Variants in GPR78 observed in about 807,000 individuals in gnomAD.
GPR78 encodes G protein-coupled receptor 78.
A neutral mutation model predicts 17.9 loss-of-function variants in GPR78; 29 were observed. The ratio of observed to expected loss-of-function variants is 1.62; its 90% CI spans 1.20 to 2.21. The LOEUF (loss-of-function observed/expected upper bound fraction) is 2.21, where lower values mean the gene tolerates loss of function less well. Ranked by LOEUF, GPR78 falls within the 30% of genes most tolerant of loss-of-function variation. The pLI is 0.00. For synonymous variants in GPR78, 349 were observed against 256.9 expected (o/e 1.36, Z -3.43); for missense variants, 649 against 530.5 (o/e 1.22, Z -2.19).
intron 2 of GPR78, among the ~76,000 whole-genome samples, chr4:8,586,720 G>A (rs747097061): frequency 2.0e-5 from 3 of 152,192 alleles, no homozygotes; most frequent in Admixed American, 6.5e-5. Flanking sequence ...GCAGGTGTCC[G>A]CGGCAGGTGT....
At chr4:8,586,497 C>T (rs1713512048) in intron 2 of GPR78, among the ~76,000 whole-genome samples, 1 of 152,186 alleles carries the variant, frequency 6.6e-6, no homozygotes. Flanking sequence ...GTGAGGTGGT[C>T]ACACTTGCTC....
In GPR78 at chr4:8,588,595, G is replaced by GT. The variant is rs201062308; in HGVS notation, c.*1233dup. On this transcript the variant is annotated 3_prime_UTR_variant, in exon 3 of 3. Coordinates refer to ENST00000382487, the MANE Select transcript of GPR78 (RefSeq NM_080819.5). ...AGGCCCAGGGCCATCCCCTGCAGAG[G>GT]TAGGGTGGGCTGCAAGACCTCAGGC... Among the ~76,000 whole-genome samples the GT allele has an allele frequency of 3.3e-5, 5 of 152,210 alleles. No homozygotes were observed. In the East Asian group the frequency reaches 9.6e-4, roughly 29 times the overall value.
intron 2 of GPR78, among the ~76,000 whole-genome samples, chr4:8,584,491 G>A (rs1396608801): frequency 7.3e-6 from 1 of 137,902 alleles, no homozygotes; most frequent in Non-Finnish European, 1.5e-5. Flanking sequence ...CACTCACTAA[G>A]CATTTAATGA....
intron 2 of GPR78, among the ~76,000 whole-genome samples, chr4:8,585,566 T>C (rs922214942): frequency 1.3e-5 from 2 of 152,192 alleles, no homozygotes; most frequent in African/African-American, 4.8e-5. Flanking sequence ...CTGATGTGCA[T>C]GTGCTGGCCG....
rs756043125 is a variant in GPR78, at chr4:8,581,261, G to A, written c.279G>A (p.Ala93=). Residue 93 remains alanine (A), a synonymous_variant, in exon 1 of 3, where the codon GCG becomes GCA. Coordinates refer to ENST00000382487, the MANE Select transcript of GPR78 (RefSeq NM_080819.5). Reference sequence around the variant, plus strand: ...TGGACACCTTCCTGGCGTCCAACGCGGCGCTGAGCGTGGCGGCGCTGAGCG... The same window carrying A: ...TGGACACCTTCCTGGCGTCCAACGCAGCGCTGAGCGTGGCGGCGCTGAGCG... The part of the protein sequence containing the change: ...GFLDTFLASN[A]ALSVAALSAD... The A allele has an allele frequency of 4.1e-5, 66 of 1,591,262 alleles. No individual in the cohort carries two copies. The highest frequency in any genetic ancestry group is 5.4e-5 in the Non-Finnish European group (63 of 1,174,150).
chr4:8,582,917 C>A (rs1385308029), intron 2 of GPR78: 1 of 338,640 alleles, frequency 3.0e-6, no homozygotes, highest in Admixed American at 4.7e-5. Flanking sequence ...GCACCTGGCT[C>A]TTTAAACCTA....
At position 8,581,272 on chromosome 4, in the gene GPR78, T is replaced by C. The variant is rs1193203038; in HGVS notation, c.290T>C (p.Val97Ala). The C allele has an allele frequency of 6.3e-7, 1 of 1,589,842 alleles. No individual in the cohort carries two copies. The highest frequency in any genetic ancestry group is 8.5e-7 in the Non-Finnish European group (1 of 1,173,666). ...CTGGCGTCCAACGCGGCGCTGAGCG[T>C]GGCGGCGCTGAGCGCAGACCAGTGG... ...TFLASNAALS[V>A]AALSADQWLA... Residue 97 changes from valine to alanine, a missense_variant, in exon 1 of 3, where the codon GTG (valine) becomes GCG (alanine). Coordinates refer to ENST00000382487, the MANE Select transcript of GPR78 (RefSeq NM_080819.5).
chr4:8,587,427 C>T lies in GPR78; in HGVS notation c.*64C>T. The T allele has an allele frequency of 3.3e-6, 5 of 1,508,088 alleles. No individual in the cohort carries two copies. In the South Asian group the frequency reaches 6.2e-5, roughly 19 times the overall value. 93.4% of individuals were successfully genotyped at this position (1,508,088 alleles called of 1,614,324 possible). On this transcript the variant is annotated 3_prime_UTR_variant, in exon 3 of 3. Coordinates refer to ENST00000382487, the MANE Select transcript of GPR78 (RefSeq NM_080819.5). ...CCCTGTGGAAAGGGCACTGGCCCTG[C>T]CACAGAGATGCCACTGGGGACCCCC...
intron 1 of GPR78, 55 bp downstream of exon 1, chr4:8,581,705 G>A (rs1713298736): frequency 7.4e-7 from 1 of 1,352,230 alleles, no homozygotes; most frequent in Non-Finnish European, 9.6e-7. Context: ...GCGCTCCCTG[G>A]GCAGTTGGCT....
chr4:8,584,691 A>G (rs1184534557), intron 2 of GPR78, among the ~76,000 whole-genome samples: 1 of 152,214 alleles, frequency 6.6e-6, no homozygotes, highest in Non-Finnish European at 1.5e-5. Context: ...GACCTGCCTC[A>G]CAGGCGCCTC....
chr4:8,583,415 C>T (rs1334945978), intron 2 of GPR78, among the ~76,000 whole-genome samples: 11 of 152,148 alleles, frequency 7.2e-5, no homozygotes, highest in African/African-American at 1.2e-4. Flanking sequence ...GCCCCTGAAG[C>T]GCTCAGGCTG....
At chr4:8,583,688 T>A (rs1713385911) in intron 2 of GPR78, among the ~76,000 whole-genome samples, 2 of 132,392 alleles carry the variant, frequency 1.5e-5, no homozygotes, top group African/African-American at 2.8e-5. Flanking sequence ...GGCTTAGATA[T>A]GTTGTTGGGT....
At position 8,580,974 on chromosome 4, in the gene GPR78, G is replaced by T. The variant is rs761966174; in HGVS notation, c.-9G>T. 5.8e-6 allele frequency: 9 copies of T among 1,560,032 alleles called. No homozygotes were observed. The highest frequency in any genetic ancestry group is 2.3e-5 in the East Asian group (1 of 43,536). ...AGAACCCCAGGGTGCCTGGCGAGCC[G>T]CTAGCGCCATGGGCCCCGGCGAGGC... On this transcript the variant is annotated 5_prime_UTR_variant, in exon 1 of 3. Transcript: ENST00000382487.
Position 8,589,391 on chromosome 4 carries a change from G to A in GPR78, c.*2028G>A, listed in dbSNP as rs74771197. On this transcript the variant is annotated 3_prime_UTR_variant, in exon 3 of 3. Coordinates refer to ENST00000382487, the MANE Select transcript of GPR78 (RefSeq NM_080819.5). ...CAAGCAGGAGGTGGGGCAGGTGGGC[G>A]TCATGCCCTGATTCACAGAGGGCAC... Among the ~76,000 whole-genome samples the A allele has an allele frequency of 0.013, 2,029 of 152,176 alleles. 29 individuals are homozygous for A. Among genetic ancestry groups the A allele is most frequent in the Non-Finnish European group, 0.024 (1,616 of 67,988 alleles).
At position 8,587,345 on chromosome 4, in the gene GPR78, C is replaced by T; in HGVS notation, c.1074C>T (p.Cys358=). 1 of 1,612,740 alleles carries T rather than the reference C, an allele frequency of 6.2e-7. No homozygotes were observed. The part of the protein sequence containing the change: ...NGSVDTENDS[C]LQQTH ...CTGTGGACACAGAGAATGATTCCTG[C>T]CTGCAGCAGACACACTGAGGGCCTG... The change falls in exon 3 of 3, where the codon TGC becomes TGT. Residue 358 remains cysteine, a synonymous_variant. Coordinates refer to ENST00000382487, the MANE Select transcript of GPR78 (RefSeq NM_080819.5).
chr4:8,581,478 C>A lies in GPR78; in HGVS notation c.496C>A (p.Arg166Ser), dbSNP rs1003441060. ...GCTGCGCCTGCCGCCCGAGCCTGAG[C>A]GTCCGCGCTTCGCAGCCTTCACCGC... ...CSLRLPPEPERPRFAAFTATL... is the reference protein window; with the variant it reads ...CSLRLPPEPESPRFAAFTATL... The change falls in exon 1 of 3, where the codon CGT becomes AGT. Residue 166 changes from arginine to serine, a missense_variant. By Grantham distance (110) the Arg-to-Ser change is moderately radical. Transcript: ENST00000382487. 1 of 1,592,088 alleles carries A rather than the reference C, an allele frequency of 6.3e-7. No individual in the cohort carries two copies. The highest frequency in any genetic ancestry group is 8.5e-7 in the Non-Finnish European group (1 of 1,176,924).
In GPR78 at chr4:8,588,621, C is replaced by T. The variant is rs1205654200; in HGVS notation, c.*1258C>T. ...TAGGGTGGGCTGCAAGACCTCAGGCCCCTGCCTCATGGGACTCTCTGATGG... is the reference window on the plus strand; with the variant it reads ...TAGGGTGGGCTGCAAGACCTCAGGCTCCTGCCTCATGGGACTCTCTGATGG... On this transcript the variant is annotated 3_prime_UTR_variant, in exon 3 of 3. Coordinates refer to ENST00000382487, the MANE Select transcript of GPR78 (RefSeq NM_080819.5). Among the ~76,000 whole-genome samples the T allele has an allele frequency of 1.3e-5, 2 of 152,200 alleles. No homozygotes were observed. Among genetic ancestry groups the T allele is most frequent in the African/African-American group, 4.8e-5 (2 of 41,448 alleles).
chr4:8,582,506 T>C, intron 1 of GPR78, 25 bp from the exon 2 acceptor site: 2 of 1,539,398 alleles, frequency 1.3e-6, no homozygotes, highest in Admixed American at 3.3e-5. Flanking sequence ...GCCATCATCC[T>C]GACCACTGTC....
rs34339112 is a variant in GPR78, at chr4:8,589,910, CT to C, written c.*2567del. On this transcript the variant is annotated 3_prime_UTR_variant, in exon 3 of 3. Transcript: ENST00000382487. ...CTATCCCTTGCCTTAGGCTTGTGGC[CT>C]TTTTTTTTTTTTTTTTTTTAATTTG... Among the ~76,000 whole-genome samples the C allele has an allele frequency of 0.59, 77,463 of 130,554 alleles. 23,416 individuals are homozygous for C. Among genetic ancestry groups the C allele is most frequent in the East Asian group, 0.7 (3,051 of 4,350 alleles). 85.6% of individuals were successfully genotyped at this position (130,554 alleles called of 152,430 possible).
Sources: gnomAD v4.1 joint callset for allele counts (sites outside exome capture counted in the v4.1 genomes callset) on GRCh38, gnomAD v4.1.1 for gene constraint, MANE v1.5 for transcripts, NCBI Gene and HGNC (gene_info 2026-07-23, HGNC 2026-07-21) for gene names.